The following DAPP1 variants were observed in gnomAD, a reference collection of about 807,000 sequenced individuals.
DAPP1 encodes dual adaptor of phosphotyrosine and 3-phosphoinositides 1.
A neutral mutation model predicts 41.5 loss-of-function variants in DAPP1; 20 were observed. The ratio of observed to expected loss-of-function variants is 0.48; its 90% CI spans 0.34 to 0.70. DAPP1 has a LOEUF of 0.70. Ranked by LOEUF, DAPP1 falls within the 30% of genes least tolerant of loss-of-function variation. The pLI is 0.01. For missense variants in DAPP1, 233 were observed against 333.4 expected (o/e 0.70, Z 2.35); for synonymous variants, 113 against 116.2 (o/e 0.97, Z 0.18).
chr4:99,868,923 G>C lies in DAPP1; in HGVS notation c.*738G>C, dbSNP rs1045768222. 1.3e-5 allele frequency: 2 copies of C among 152,030 alleles called. No homozygotes were observed. Among genetic ancestry groups the C allele is most frequent in the Admixed American group, 6.6e-5 (1 of 15,252 alleles). The allele number at this position is 152,030 out of a possible 1,614,324, so 9.4% of individuals were successfully genotyped here. A position where few individuals can be genotyped will look rare whatever the true frequency, so the allele number is the denominator to read the frequency against. Reference sequence around the variant, plus strand: ...TTGGGGTAAATGTTTTAAAGAGTGAGAAAACATAAATTGAGAAAGGGTGAT... The same window carrying C: ...TTGGGGTAAATGTTTTAAAGAGTGACAAAACATAAATTGAGAAAGGGTGAT... On this transcript the variant is annotated 3_prime_UTR_variant, in exon 9 of 9. Coordinates refer to ENST00000512369, the MANE Select transcript of DAPP1 (RefSeq NM_014395.3).
intron 3 of DAPP1, among the ~76,000 whole-genome samples, chr4:99,848,423 G>T (rs1723744520): frequency 6.6e-6 from 1 of 151,246 alleles, no homozygotes; most frequent in South Asian, 2.1e-4. Context: ...TAAAGACGGG[G>T]TTTCACCGTG....
intron 2 of DAPP1, among the ~76,000 whole-genome samples, chr4:99,836,592 A>AC: frequency 6.6e-6 from 1 of 151,912 alleles, no homozygotes; most frequent in Non-Finnish European, 1.5e-5. Context: ...CTGGAGAGTC[A>AC]CTCTTCCCTT....
intron 2 of DAPP1, 95 bp downstream of exon 2, chr4:99,835,840 A>C: frequency 6.7e-7 from 1 of 1,502,050 alleles, no homozygotes; most frequent in Non-Finnish European, 9.0e-7. Flanking sequence ...AAAACTTCCC[A>C]ATTCCTGTTG....
intron 4 of DAPP1, among the ~76,000 whole-genome samples, chr4:99,855,261 C>T (rs1221207861): frequency 6.6e-6 from 1 of 152,134 alleles, no homozygotes; most frequent in Non-Finnish European, 1.5e-5. Context: ...TTTCATTTGC[C>T]CTGTTAGTTT....
chr4:99,863,881 T>C, intron 7 of DAPP1, 26 bp downstream of exon 7: 1 of 1,432,610 alleles, frequency 7.0e-7, no homozygotes, highest in Non-Finnish European at 9.6e-7. Flanking sequence ...AAGAAAACGT[T>C]TTTTAATGTC....
rs937870412 is a variant in DAPP1 at position 99,820,693 on chromosome 4, C to T, written c.101+3679C>T. ...AGCAAACCTTTTTTTTATAAAGGGCCGGGTAACGAATGTTTTAGGCTTTGC... is the reference window on the plus strand; with the variant it reads ...AGCAAACCTTTTTTTTATAAAGGGCTGGGTAACGAATGTTTTAGGCTTTGC... On this transcript the variant is annotated intron_variant, in intron 1 of 8. Transcript: ENST00000512369. Among the ~76,000 whole-genome samples, 11 of 152,122 alleles carry T rather than the reference C, an allele frequency of 7.2e-5. No homozygotes were observed. The South Asian group carries it at 2.1e-3, about 29-fold the overall frequency.
intron 1 of DAPP1, among the ~76,000 whole-genome samples, chr4:99,826,389 A>T (rs929763754): frequency 4.6e-5 from 7 of 152,230 alleles, no homozygotes; most frequent in African/African-American, 1.7e-4. Context: ...GGCTGTTTTA[A>T]CACAATCAGG....
intron 1 of DAPP1, among the ~76,000 whole-genome samples, chr4:99,834,307 G>A (rs377243936): frequency 6.6e-6 from 1 of 152,204 alleles, no homozygotes; most frequent in African/African-American, 2.4e-5. Flanking sequence ...GGTTACCAAG[G>A]TGTCCTCTAG....
chr4:99,827,461 A>G (rs1722971779), intron 1 of DAPP1, among the ~76,000 whole-genome samples: 1 of 151,630 alleles, frequency 6.6e-6, no homozygotes, highest in African/African-American at 2.4e-5. Flanking sequence ...TGAACCCGGG[A>G]GGCAGAGCTT....
chr4:99,824,562 C>G (rs1438967970), intron 1 of DAPP1, among the ~76,000 whole-genome samples: 8 of 152,152 alleles, frequency 5.3e-5, no homozygotes, highest in Non-Finnish European at 4.4e-5. Flanking sequence ...ACTTATAGCT[C>G]TTTCCTATAG....
chr4:99,865,762 A>T (rs1287028647), intron 7 of DAPP1: 2 of 151,224 alleles, frequency 1.3e-5, no homozygotes, highest in African/African-American at 2.4e-5. Context: ...TGGAATAATA[A>T]TATGAATCTA....
chr4:99,823,374 A>T (rs1722836914), intron 1 of DAPP1, among the ~76,000 whole-genome samples: 1 of 152,178 alleles, frequency 6.6e-6, no homozygotes, highest in Admixed American at 6.5e-5. Context: ...GCATCAAAAT[A>T]TAAAGAAAAG....
chr4:99,828,749 T>C (rs1723026774), intron 1 of DAPP1, among the ~76,000 whole-genome samples: 1 of 152,236 alleles, frequency 6.6e-6, no homozygotes, highest in African/African-American at 2.4e-5. Context: ...CCTAGTTTTT[T>C]ACTGTATCAT....
At chr4:99,831,161 G>A (rs1202535389) in intron 1 of DAPP1, among the ~76,000 whole-genome samples, 2 of 151,922 alleles carry the variant, frequency 1.3e-5, no homozygotes, top group African/African-American at 4.8e-5. Flanking sequence ...ATTTTATAGG[G>A]GAACGTGTTA....
intron 4 of DAPP1, among the ~76,000 whole-genome samples, chr4:99,854,776 A>G (rs1332042719): frequency 6.6e-6 from 1 of 152,076 alleles, no homozygotes; most frequent in Non-Finnish European, 1.5e-5. Context: ...CACCCCCACT[A>G]GCTTCTTTTA....
At chr4:99,862,950 C>A in intron 5 of DAPP1, 60 bp from the exon 6 acceptor site, 2 of 1,191,660 alleles carry the variant, frequency 1.7e-6, no homozygotes, top group Non-Finnish European at 2.3e-6. Context: ...TCAAATATTA[C>A]ATTCCTGTAT....
chr4:99,832,696 G>GT (rs1560691643), intron 1 of DAPP1, among the ~76,000 whole-genome samples: 1 of 152,190 alleles, frequency 6.6e-6, no homozygotes, highest in East Asian at 1.9e-4. Flanking sequence ...TATAGTTATT[G>GT]TTTTTTAAAT....
intron 4 of DAPP1, among the ~76,000 whole-genome samples, chr4:99,861,336 T>C (rs1228107893): frequency 6.6e-6 from 1 of 152,230 alleles, no homozygotes. Context: ...AGTGAAATGA[T>C]GTCGTTTATT....
intron 1 of DAPP1, among the ~76,000 whole-genome samples, chr4:99,827,624 C>T (rs1242531960): frequency 6.6e-6 from 1 of 151,938 alleles, no homozygotes; most frequent in Non-Finnish European, 1.5e-5. Context: ...TTTTAATCAA[C>T]AGTAAGTCCA....
Sources: allele counts gnomAD v4.1 joint callset (sites outside exome capture counted in the v4.1 genomes callset), GRCh38; gene constraint gnomAD v4.1.1; transcripts MANE v1.5; gene names NCBI Gene and HGNC (gene_info 2026-07-23, HGNC 2026-07-21).